Variants in ATP9B observed in about 807,000 individuals in gnomAD.
ATP9B encodes probable phospholipid-transporting ATPase IIB.
In ATP9B, 110 loss-of-function variants were observed where a neutral mutation model predicts 146.1. That is an observed-to-expected ratio of 0.75 (90% CI 0.65 to 0.88). The LOEUF (loss-of-function observed/expected upper bound fraction) is 0.88. Among genes scored for constraint, ATP9B ranks in the 40% least tolerant of loss-of-function variants. The probability of loss-of-function intolerance (pLI) is 0.00; values close to 1 mark genes in which losing one functional copy is unlikely to be tolerated. For synonymous variants in ATP9B, 604 were observed against 569.7 expected (o/e 1.06, Z -0.86); for missense variants, 1,499 against 1,496.4 (o/e 1.00, Z -0.03).
At chr18:79,342,944 AAATT>A (rs1422397890) in intron 20 of ATP9B, among the ~76,000 whole-genome samples, 2 of 152,214 alleles carry the variant, frequency 1.3e-5, no homozygotes, top group African/African-American at 4.8e-5. Flanking sequence ...AGTTCAAAGA[AAATT>A]AATAGAAATG....
intron 1 of ATP9B, among the ~76,000 whole-genome samples, chr18:79,079,430 G>A (rs531822249): frequency 3.3e-5 from 5 of 152,132 alleles, no homozygotes; most frequent in East Asian, 1.9e-4. Flanking sequence ...TATGTTTGTC[G>A]GCCGCATAAA....
At position 79,201,847 on chromosome 18, in the gene ATP9B, C is replaced by G. The variant is rs190746398; in HGVS notation, c.955-5090C>G. On this transcript the variant is annotated intron_variant, in intron 9 of 29. Transcript: ENST00000426216. ...GTGCTGGGATTACAGGCGTGAGTCA[C>G]TGTGCCCAGCCCCTGATTTCTGATT... is the stretch of plus-strand genomic sequence containing the variant. Among the ~76,000 whole-genome samples, 364 of 152,288 alleles carry G rather than the reference C, an allele frequency of 2.4e-3. 2 individuals are homozygous for G. Among genetic ancestry groups the G allele is most frequent in the South Asian group, 6.4e-3 (31 of 4,808 alleles).
In ATP9B at chr18:79,327,503, GCT is replaced by G. The variant is rs369248001; in HGVS notation, c.1774-1632_1774-1631del. Among the ~76,000 whole-genome samples, 194 of 138,242 alleles carry G rather than the reference GCT, an allele frequency of 1.4e-3. 1 individual carries two copies. Among genetic ancestry groups the G allele is most frequent in the South Asian group, 5.2e-3 (22 of 4,248 alleles). 90.7% of individuals were successfully genotyped at this position (138,242 alleles called of 152,430 possible). A position where few individuals can be genotyped will look rare whatever the true frequency, so the allele number is the denominator to read the frequency against. The stretch of plus-strand genomic sequence containing the variant: ...TTAGCGTGCTCTCCGTGGTTAGTGT[GCT>G]CTCTCCATGGTTAGCGTGCTCTCCG... On this transcript the variant is annotated intron_variant, in intron 15 of 29. Coordinates refer to ENST00000426216, the MANE Select transcript of ATP9B (RefSeq NM_198531.5).
At chr18:79,199,525 G>C (rs1366718196) in intron 9 of ATP9B, among the ~76,000 whole-genome samples, 1 of 151,934 alleles carries the variant, frequency 6.6e-6, no homozygotes, top group Admixed American at 6.6e-5. Context: ...AATTTGGGAG[G>C]CCGAGGCTGG....
At chr18:79,185,723 A>G (rs961172163) in intron 8 of ATP9B, among the ~76,000 whole-genome samples, 1 of 152,192 alleles carries the variant, frequency 6.6e-6, no homozygotes, top group African/African-American at 2.4e-5. Context: ...TTCATGTAAT[A>G]GCTTATGCCC....
At chr18:79,175,914 A>G (rs993706013) in intron 7 of ATP9B, among the ~76,000 whole-genome samples, 3 of 152,232 alleles carry the variant, frequency 2.0e-5, no homozygotes, top group African/African-American at 7.2e-5. Context: ...TTATATATGC[A>G]TAGAGATCTG....
rs554513693 is a variant in ATP9B, at chr18:79,301,761, GC to G, written c.1412-1841del. Among the ~76,000 whole-genome samples the G allele has an allele frequency of 1.5e-3, 233 of 152,348 alleles. 1 individual carries two copies. The highest frequency in any genetic ancestry group is 2.5e-3 in the Non-Finnish European group (168 of 68,034). The stretch of plus-strand genomic sequence containing the variant: ...AGGTGCTTCATAAAACTTTGTGGAA[GC>G]CAAAATCTATAGAACTGAGAAGCAT... On this transcript the variant is annotated intron_variant, in intron 13 of 29. Coordinates refer to ENST00000426216, the MANE Select transcript of ATP9B (RefSeq NM_198531.5).
chr18:79,145,526 G>T (rs536349668), intron 6 of ATP9B: 3 of 92,232 alleles, frequency 3.3e-5, no homozygotes, highest in Non-Finnish European at 6.5e-5. Context: ...GGTGTGCAGA[G>T]TGACTGAAGG....
At chr18:79,345,738 T>TC in intron 22 of ATP9B, 37 bp from the exon 23 acceptor site, 1 of 1,613,222 alleles carries the variant, frequency 6.2e-7, no homozygotes, top group Non-Finnish European at 8.5e-7. Flanking sequence ...TGATGATGGA[T>TC]AAGGTTTTAT....
chr18:79,089,636 T>C (rs1266884503), intron 1 of ATP9B, among the ~76,000 whole-genome samples: 2 of 152,234 alleles, frequency 1.3e-5, no homozygotes, highest in African/African-American at 2.4e-5. Context: ...TTATTCGTTA[T>C]TATAGATACA....
intron 1 of ATP9B, among the ~76,000 whole-genome samples, chr18:79,071,702 G>A (rs2071846721): frequency 6.6e-6 from 1 of 152,080 alleles, no homozygotes; most frequent in African/African-American, 2.4e-5. Context: ...GAAAAATCTT[G>A]TGCTGCTTCC....
At chr18:79,174,511 G>A (rs539377037) in intron 7 of ATP9B, among the ~76,000 whole-genome samples, 7 of 152,240 alleles carry the variant, frequency 4.6e-5, no homozygotes, top group African/African-American at 1.2e-4. Flanking sequence ...GTCAGGATGC[G>A]AGGGCCCTTC....
chr18:79,200,140 G>A (rs965520164), intron 9 of ATP9B, among the ~76,000 whole-genome samples: 1 of 152,078 alleles, frequency 6.6e-6, no homozygotes, highest in Non-Finnish European at 1.5e-5. Context: ...TTTCACCACC[G>A]TCACCACAAA....
rs1456440943 is a variant in ATP9B at position 79,173,880 on chromosome 18, T to TAAAGAA, written c.779-2931_779-2926dup. ...TTTAGAATAATCTTGCCTATATCTT[T>TAAAGAA]AAAGAAAGTCTTCATGGGACAATGA... On this transcript the variant is annotated intron_variant, in intron 7 of 29. Transcript: ENST00000426216. 5 of 396,004 alleles carry TAAAGAA rather than the reference T, an allele frequency of 1.3e-5. No homozygotes were observed. The East Asian group carries it at 3.6e-4, about 28-fold the overall frequency. The allele number at this position is 396,004 out of a possible 1,614,324, so 24.5% of individuals were successfully genotyped here.
chr18:79,100,720 A>G (rs988494441), intron 2 of ATP9B, among the ~76,000 whole-genome samples: 2 of 152,198 alleles, frequency 1.3e-5, no homozygotes, highest in African/African-American at 4.8e-5. Flanking sequence ...GCAATTTACA[A>G]AAGAAAGAGG....
chr18:79,081,883 T>G (rs912723737), intron 1 of ATP9B, among the ~76,000 whole-genome samples: 4 of 152,022 alleles, frequency 2.6e-5, no homozygotes, highest in Non-Finnish European at 4.4e-5. Flanking sequence ...CGATTATGTG[T>G]CTTGGGGTTG....
chr18:79,083,113 G>A (rs2073436463), intron 1 of ATP9B, among the ~76,000 whole-genome samples: 1 of 152,198 alleles, frequency 6.6e-6, no homozygotes, highest in Admixed American at 6.5e-5. Flanking sequence ...CCAGAGAGGA[G>A]GAATCTAGAG....
chr18:79,069,759 G>C lies in ATP9B; in HGVS notation c.119+230G>C, dbSNP rs368240556. ...GCGGCTGCATCCCCGGGACGCCTGG[G>C]CCGAGCGTAGGAGCCAGAACGGGAG... On this transcript the variant is annotated intron_variant, in intron 1 of 29. Coordinates refer to ENST00000426216, the MANE Select transcript of ATP9B (RefSeq NM_198531.5). Among the ~76,000 whole-genome samples the C allele has an allele frequency of 2.0e-5, 3 of 152,358 alleles. No homozygotes were observed. The East Asian group carries it at 5.8e-4, about 29-fold the overall frequency.
intron 2 of ATP9B, among the ~76,000 whole-genome samples, chr18:79,108,017 A>T (rs1297226808): frequency 2.0e-5 from 3 of 152,130 alleles, no homozygotes; most frequent in Non-Finnish European, 4.4e-5. Context: ...CATAACTAGG[A>T]TTTTCCTGGC....
Sources: gnomAD v4.1 joint callset for allele counts (sites outside exome capture counted in the v4.1 genomes callset) on GRCh38, gnomAD v4.1.1 for gene constraint, MANE v1.5 for transcripts, NCBI Gene and HGNC (gene_info 2026-07-23, HGNC 2026-07-21) for gene names.